The following CYRIA variants were observed in gnomAD, a reference collection of about 807,000 sequenced individuals.
CYRIA encodes the protein CYFIP related Rac1 interactor A.
In CYRIA, 15 loss-of-function variants were observed where a neutral mutation model predicts 43.9. The observed-to-expected ratio is 0.34, with a 90% confidence interval of 0.23 to 0.53. The LOEUF is 0.53. Ranked by LOEUF, CYRIA falls within the 20% of genes least tolerant of loss-of-function variation. CYRIA has a pLI of 0.94. For missense variants in CYRIA, 236 were observed against 394.2 expected, an observed-to-expected ratio of 0.60 and a Z score of 3.40; for synonymous variants, 117 against 136.0, an observed-to-expected ratio of 0.86 and a Z score of 0.97.
Position 16,627,469 on chromosome 2 carries a change from T to C in CYRIA, c.-166-3450A>G, listed in dbSNP as rs150236462. Among the ~76,000 whole-genome samples, 599 of 152,334 alleles carry C rather than the reference T, an allele frequency of 3.9e-3. 2 individuals are homozygous for C. Among genetic ancestry groups the C allele is most frequent in the African/African-American group, 0.014 (577 of 41,578 alleles). On this transcript the variant is annotated intron_variant, in intron 1 of 11. Coordinates refer to ENST00000381323, the MANE Select transcript of CYRIA (RefSeq NM_030797.4). ...GTGTGTTGGGCTTTGTTTAGCACTG[T>C]ACATGTAGTGACTCCCTGAAACCTC...
At chr2:16,623,136 G>A (rs1463180409) in intron 2 of CYRIA, 2 of 152,164 alleles carry the variant, frequency 1.3e-5, no homozygotes, top group Non-Finnish European at 2.9e-5. Context: ...CTTACACTGG[G>A]CCTGCGTAAG....
intron 1 of CYRIA, among the ~76,000 whole-genome samples, chr2:16,644,381 C>G (rs1669759612): frequency 6.6e-6 from 1 of 152,126 alleles, no homozygotes; most frequent in South Asian, 2.1e-4. Flanking sequence ...GGTGGATGGG[C>G]TGAGTCATGA....
chr2:16,623,766 G>A (rs1235643982), intron 2 of CYRIA, 98 bp downstream of exon 2: 1 of 152,150 alleles, frequency 6.6e-6, no homozygotes, highest in Non-Finnish European at 1.5e-5. Flanking sequence ...ATAGTTTCAT[G>A]TCTTTCATAA....
intron 9 of CYRIA, 124 bp from the exon 10 acceptor site, chr2:16,559,710 A>G: frequency 2.0e-6 from 2 of 1,015,000 alleles, no homozygotes; most frequent in Admixed American, 5.2e-5. Context: ...ACCTGCAACA[A>G]CCAGTTAATA....
At chr2:16,648,303 G>A (rs1669873924) in intron 1 of CYRIA, among the ~76,000 whole-genome samples, 2 of 148,716 alleles carry the variant, frequency 1.3e-5, no homozygotes, top group Non-Finnish European at 2.9e-5. Flanking sequence ...CAGGAAGACA[G>A]GGTAGGAACA....
chr2:16,561,139 C>T (rs1185566828), intron 8 of CYRIA, 22 bp downstream of exon 8: 1 of 1,610,732 alleles, frequency 6.2e-7, no homozygotes, highest in Non-Finnish European at 8.5e-7. Context: ...AAAAAAGCAC[C>T]TCGTTGCTCA....
At chr2:16,619,539 GTGTAATCCA>G (rs1184340589) in intron 2 of CYRIA, among the ~76,000 whole-genome samples, 4 of 152,308 alleles carry the variant, frequency 2.6e-5, no homozygotes, top group Admixed American at 1.3e-4. Flanking sequence ...GAGAGCTATG[GTGTAATCCA>G]TGCTGTTAAA....
At chr2:16,589,972 G>A (rs1004704532) in intron 2 of CYRIA, among the ~76,000 whole-genome samples, 17 of 152,012 alleles carry the variant, frequency 1.1e-4, no homozygotes, top group African/African-American at 2.2e-4. Context: ...CCTCAACAGC[G>A]TTGGAAAAAT....
At chr2:16,584,539 T>C (rs1188109357) in intron 3 of CYRIA, among the ~76,000 whole-genome samples, 2 of 152,200 alleles carry the variant, frequency 1.3e-5, no homozygotes, top group Non-Finnish European at 2.9e-5. Flanking sequence ...TCTGGTTTTC[T>C]CTCAGGGATG....
At chr2:16,661,839 G>C (rs939007074) in intron 1 of CYRIA, among the ~76,000 whole-genome samples, 6 of 151,972 alleles carry the variant, frequency 3.9e-5, no homozygotes, top group Non-Finnish European at 7.4e-5. Context: ...ACGAGGCAAG[G>C]GACTTTACCT....
intron 2 of CYRIA, among the ~76,000 whole-genome samples, chr2:16,589,760 C>T (rs192510296): frequency 6.6e-6 from 1 of 152,046 alleles, no homozygotes; most frequent in Admixed American, 6.6e-5. Context: ...TGCTAACAGC[C>T]TTCAAATGCT....
At chr2:16,637,516 A>G (rs1226707995) in intron 1 of CYRIA, among the ~76,000 whole-genome samples, 1 of 152,176 alleles carries the variant, frequency 6.6e-6, no homozygotes, top group African/African-American at 2.4e-5. Flanking sequence ...CCACATCTTG[A>G]TCTTGGACTT....
At chr2:16,654,844 AG>A (rs1558444404) in intron 1 of CYRIA, among the ~76,000 whole-genome samples, 1 of 152,252 alleles carries the variant, frequency 6.6e-6, no homozygotes, top group Non-Finnish European at 1.5e-5. Context: ...TGAAAAATTA[AG>A]GGTCATGACT....
intron 3 of CYRIA, among the ~76,000 whole-genome samples, chr2:16,575,327 A>G (rs575137175): frequency 4.6e-5 from 7 of 151,996 alleles, no homozygotes; most frequent in Non-Finnish European, 8.8e-5. Flanking sequence ...ATGAGTTAAG[A>G]CTTTGGGGGA....
intron 3 of CYRIA, among the ~76,000 whole-genome samples, chr2:16,574,866 G>T (rs1667277288): frequency 6.6e-6 from 1 of 152,160 alleles, no homozygotes; most frequent in Non-Finnish European, 1.5e-5. Flanking sequence ...ATGTGGGACG[G>T]GTACCCCCAC....
intron 10 of CYRIA, among the ~76,000 whole-genome samples, chr2:16,557,577 G>A (rs935288170): frequency 1.3e-5 from 2 of 151,984 alleles, no homozygotes; most frequent in South Asian, 2.1e-4. Flanking sequence ...ATGGTTTACC[G>A]TGCTTATTAA....
chr2:16,663,172 C>T (rs1670307096), intron 1 of CYRIA, among the ~76,000 whole-genome samples: 1 of 152,164 alleles, frequency 6.6e-6, no homozygotes, highest in Non-Finnish European at 1.5e-5. Flanking sequence ...CATTATGGGT[C>T]CTTCAGCCTT....
chr2:16,585,794 A>G (rs1667709001), intron 3 of CYRIA, among the ~76,000 whole-genome samples: 1 of 152,164 alleles, frequency 6.6e-6, no homozygotes, highest in Non-Finnish European at 1.5e-5. Context: ...GGCGCACAGA[A>G]GCACCTCTCA....
rs555467008 is a variant in CYRIA, at chr2:16,609,253, G to T, written c.-11+14611C>A. Among the ~76,000 whole-genome samples, 72 of 152,320 alleles carry T rather than the reference G, an allele frequency of 4.7e-4. 1 individual carries two copies. The highest frequency in any genetic ancestry group is 1.7e-3 in the African/African-American group (70 of 41,570). ...GTCATCTCTGGAACTGCGGGCCAGGGATACCGGGGATAAAGCACACAAGGG... is the reference window on the plus strand; with the variant it reads ...GTCATCTCTGGAACTGCGGGCCAGGTATACCGGGGATAAAGCACACAAGGG... On this transcript the variant is annotated intron_variant, in intron 2 of 11. Transcript: ENST00000381323.
Sources: gnomAD v4.1 joint callset for allele counts (sites outside exome capture counted in the v4.1 genomes callset) on GRCh38, gnomAD v4.1.1 for gene constraint, MANE v1.5 for transcripts, NCBI Gene and HGNC (gene_info 2026-07-23, HGNC 2026-07-21) for gene names.